MAP2: variants seen among roughly 807,000 people sequenced by gnomAD.
The protein encoded by MAP2 is microtubule-associated protein 2.
Under a neutral mutation model 137.6 loss-of-function variants are expected in MAP2, and 14 were observed. The observed-to-expected ratio is 0.10, with a 90% CI of 0.07 to 0.16. The LOEUF (loss-of-function observed/expected upper bound fraction) is 0.16, where lower values mean the gene tolerates loss of function less well. Among genes scored for constraint, MAP2 ranks in the 10% least tolerant of loss-of-function variants. MAP2 has a pLI of 1.00. For missense variants in MAP2, 2,088 were observed against 2,191.5 expected (o/e 0.95, Z 0.94); for synonymous variants, 786 against 782.3 (o/e 1.00, Z -0.08).
intron 1 of MAP2, among the ~76,000 whole-genome samples, chr2:209,498,112 TG>T (rs1196022101): frequency 2.2e-4 from 33 of 152,098 alleles, no homozygotes; most frequent in Admixed American, 1.9e-3. Flanking sequence ...CAATATACAA[TG>T]GGGGTATAGG....
chr2:209,562,655 C>G (rs2072423484), intron 2 of MAP2, among the ~76,000 whole-genome samples: 1 of 151,934 alleles, frequency 6.6e-6, no homozygotes. Context: ...CAAGATTGCG[C>G]CACCACACCC....
chr2:209,705,838 A>G, intron 12 of MAP2, 111 bp downstream of exon 12: 3 of 962,542 alleles, frequency 3.1e-6, no homozygotes, highest in Non-Finnish European at 4.5e-6. Flanking sequence ...CATTAAGACT[A>G]GATTATATTT....
intron 13 of MAP2, among the ~76,000 whole-genome samples, chr2:209,718,181 AT>A (rs1266502657): frequency 1.3e-5 from 2 of 152,126 alleles, no homozygotes; most frequent in Non-Finnish European, 2.9e-5. Context: ...GTAAATACTA[AT>A]TTTTAAAAAT....
At chr2:209,565,705 T>G (rs1453219424) in intron 2 of MAP2, among the ~76,000 whole-genome samples, 1 of 152,224 alleles carries the variant, frequency 6.6e-6, no homozygotes, top group Non-Finnish European at 1.5e-5. Flanking sequence ...CTTTGTTAAC[T>G]AACCTAAGTT....
chr2:209,436,083 A>G (rs1696193161), intron 1 of MAP2, among the ~76,000 whole-genome samples: 1 of 144,612 alleles, frequency 6.9e-6, no homozygotes, highest in South Asian at 2.2e-4. Flanking sequence ...ATTAATTTCT[A>G]TTTAATTCCT....
intron 5 of MAP2, among the ~76,000 whole-genome samples, chr2:209,660,448 C>A (rs1362860092): frequency 7.8e-6 from 1 of 127,748 alleles, no homozygotes; most frequent in Non-Finnish European, 1.6e-5. Flanking sequence ...GGCTGGAGTG[C>A]AGTGGCGCGA....
At chr2:209,525,321 G>A (rs542528725) in intron 2 of MAP2, among the ~76,000 whole-genome samples, 18 of 152,080 alleles carry the variant, frequency 1.2e-4, no homozygotes, top group African/African-American at 2.2e-4. Context: ...TAGAAATGAC[G>A]TCTTCTAATT....
chr2:209,650,875 C>T (rs1427706138), intron 4 of MAP2, among the ~76,000 whole-genome samples: 1 of 152,050 alleles, frequency 6.6e-6, no homozygotes, highest in Non-Finnish European at 1.5e-5. Context: ...GAAACTTTTT[C>T]TGTTTACAAT....
chr2:209,551,058 A>G (rs979170648), intron 2 of MAP2, among the ~76,000 whole-genome samples: 6 of 152,134 alleles, frequency 3.9e-5, no homozygotes, highest in Non-Finnish European at 8.8e-5. Context: ...CTCAAACACC[A>G]TCTGTAAAGT....
intron 2 of MAP2, among the ~76,000 whole-genome samples, chr2:209,524,720 T>A (rs2063768797): frequency 6.6e-6 from 1 of 152,204 alleles, no homozygotes; most frequent in African/African-American, 2.4e-5. Context: ...CTCTTTTCAG[T>A]CTTTCTGTCT....
intron 2 of MAP2, among the ~76,000 whole-genome samples, chr2:209,546,573 G>A (rs2068114194): frequency 6.6e-6 from 1 of 152,122 alleles, no homozygotes; most frequent in Non-Finnish European, 1.5e-5. Context: ...TCACCTATAA[G>A]CTAGTGCATA....
chr2:209,676,769 A>G (rs1484651030), intron 5 of MAP2, among the ~76,000 whole-genome samples: 7 of 94,172 alleles, frequency 7.4e-5, no homozygotes, highest in South Asian at 7.1e-4. Flanking sequence ...ATATATATAT[A>G]TATCTCCCAA....
chr2:209,657,368 A>C (rs145121885), intron 5 of MAP2, among the ~76,000 whole-genome samples: 1 of 152,168 alleles, frequency 6.6e-6, no homozygotes, highest in Non-Finnish European at 1.5e-5. Flanking sequence ...TTCCATAAAG[A>C]CTGTAGTAAT....
chr2:209,452,258 A>G (rs893645758), intron 1 of MAP2, among the ~76,000 whole-genome samples: 1 of 152,110 alleles, frequency 6.6e-6, no homozygotes, highest in African/African-American at 2.4e-5. Flanking sequence ...GGGTTGACCT[A>G]TATGCAAATA....
chr2:209,615,390 A>G (rs1481681998), intron 3 of MAP2, among the ~76,000 whole-genome samples: 2 of 152,198 alleles, frequency 1.3e-5, no homozygotes, highest in Admixed American at 6.6e-5. Flanking sequence ...GCAAAACTCA[A>G]GAGAAGAGTT....
chr2:209,498,597 C>T (rs1314356371), intron 1 of MAP2, among the ~76,000 whole-genome samples: 1 of 152,260 alleles, frequency 6.6e-6, no homozygotes, highest in Non-Finnish European at 1.5e-5. Context: ...GGCTTTTCTA[C>T]ACATCCTTTG....
chr2:209,467,205 T>A lies in MAP2; in HGVS notation c.-221-40387T>A, dbSNP rs965679633. On this transcript the variant is annotated intron_variant, in intron 1 of 15. Coordinates refer to ENST00000682079, the MANE Select transcript of MAP2 (RefSeq NM_001375505.1). ...TGGACTTTATTTCCACCTCACTTATTCAGGCCTTCTGTCCCTTATTAAATT... is the reference window on the plus strand; with the variant it reads ...TGGACTTTATTTCCACCTCACTTATACAGGCCTTCTGTCCCTTATTAAATT... Among the ~76,000 whole-genome samples, 4 of 152,194 alleles carry A rather than the reference T, an allele frequency of 2.6e-5. No homozygotes were observed. In the South Asian group the frequency reaches 6.2e-4, roughly 24 times the overall value.
intron 1 of MAP2, among the ~76,000 whole-genome samples, chr2:209,506,813 A>C (rs1159328844): frequency 6.6e-6 from 1 of 152,194 alleles, no homozygotes; most frequent in African/African-American, 2.4e-5. Flanking sequence ...CAGGACTAAA[A>C]ATCTTCAGAT....
chr2:209,440,738 A>T (rs943778127), intron 1 of MAP2, among the ~76,000 whole-genome samples: 2 of 151,496 alleles, frequency 1.3e-5, no homozygotes, highest in Non-Finnish European at 3.0e-5. Context: ...AGAGGAAACA[A>T]ATCTATCCAC....
Sources: gnomAD v4.1 joint callset for allele counts (sites outside exome capture counted in the v4.1 genomes callset) on GRCh38, gnomAD v4.1.1 for gene constraint, MANE v1.5 for transcripts, NCBI Gene and HGNC (gene_info 2026-07-23, HGNC 2026-07-21) for gene names.